ZNF124: variants seen among roughly 807,000 people sequenced by gnomAD.
ZNF124 encodes the protein zinc finger protein 124.
A neutral mutation model predicts 26.6 loss-of-function variants in ZNF124; 25 were observed. The ratio of observed to expected loss-of-function variants is 0.94; its 90% confidence interval spans 0.68 to 1.31. The LOEUF is 1.31. Among genes scored for constraint, ZNF124 ranks in the 40% most tolerant of loss-of-function variants. ZNF124 has a pLI of 0.00. For missense variants in ZNF124, 444 were observed against 422.2 expected, an observed-to-expected ratio of 1.05 and a Z score of -0.45; for synonymous variants, 129 against 133.3, an observed-to-expected ratio of 0.97 and a Z score of 0.22.
intron 3 of ZNF124, among the ~76,000 whole-genome samples, chr1:247,125,593 G>A (rs116837993): frequency 0.028 from 4,232 of 151,770 alleles, 216 homozygotes; most frequent in African/African-American, 0.097. Context: ...CATCACACCC[G>A]GCTAAATTTT....
chr1:247,137,864 A>G (rs965687699), intron 3 of ZNF124, among the ~76,000 whole-genome samples: 1 of 152,210 alleles, frequency 6.6e-6, no homozygotes, highest in Non-Finnish European at 1.5e-5. Flanking sequence ...CAAAAGCTCA[A>G]CATCACTGAT....
intron 1 of ZNF124, 120 bp from the exon 2 acceptor site, chr1:247,159,933 T>C: frequency 8.1e-7 from 1 of 1,233,136 alleles, no homozygotes; most frequent in Non-Finnish European, 1.1e-6. Context: ...ATTTGGTCAC[T>C]AGAACTATGA....
At chr1:247,128,693 T>G (rs1482935761) in intron 3 of ZNF124, among the ~76,000 whole-genome samples, 2 of 150,346 alleles carry the variant, frequency 1.3e-5, no homozygotes, top group African/African-American at 4.9e-5. Flanking sequence ...GATACTGGTA[T>G]TGAGGGAAGA....
At chr1:247,131,380 T>G (rs1420273227) in intron 3 of ZNF124, among the ~76,000 whole-genome samples, 1 of 152,160 alleles carries the variant, frequency 6.6e-6, no homozygotes, top group Non-Finnish European at 1.5e-5. Flanking sequence ...ACGCCCAGAT[T>G]CTTACAGCCT....
intron 3 of ZNF124, among the ~76,000 whole-genome samples, chr1:247,136,054 A>G (rs187138921): frequency 0.016 from 2,401 of 152,226 alleles, 71 homozygotes; most frequent in African/African-American, 0.055. Context: ...ATTTATGACA[A>G]CCCCACAGCC....
intron 1 of ZNF124, among the ~76,000 whole-genome samples, chr1:247,161,138 C>A (rs1673455472): frequency 6.6e-6 from 1 of 152,176 alleles, no homozygotes; most frequent in Admixed American, 6.5e-5. Flanking sequence ...TCAAAGTCTT[C>A]TGAATAACAG....
intron 3 of ZNF124, among the ~76,000 whole-genome samples, chr1:247,139,210 T>C (rs1672564040): frequency 6.6e-6 from 1 of 152,236 alleles, no homozygotes; most frequent in South Asian, 2.1e-4. Flanking sequence ...CTTAGCAAAA[T>C]AAACTTTCTA....
At position 247,157,203 on chromosome 1, in the gene ZNF124, T is replaced by C; in HGVS notation, c.419A>G (p.His140Arg). 1 of 1,614,142 alleles carries C rather than the reference T, an allele frequency of 6.2e-7. No individual in the cohort carries two copies. The highest frequency in any genetic ancestry group is 8.5e-7 in the Non-Finnish European group (1 of 1,179,932). Reference protein sequence around the residue: ...VFNIPSSFQIHQRNHTGEKPY... With the variant: ...VFNIPSSFQIRQRNHTGEKPY... ...TTTCTCTCCAGTGTGATTTCTCTGA[T>C]GTATCTGAAATGAACTGGGAATATT... Residue 140 changes from histidine (H) to arginine (R), a missense_variant, in exon 4 of 4, where the codon CAT becomes CGT. By Grantham distance (29) the His-to-Arg change is conservative. Transcript: ENST00000543802.
At chr1:247,163,134 G>A (rs891454258) in intron 1 of ZNF124, among the ~76,000 whole-genome samples, 4 of 152,082 alleles carry the variant, frequency 2.6e-5, no homozygotes, top group African/African-American at 9.7e-5. Flanking sequence ...AAGAATCTCT[G>A]GAACACAGCT....
intron 3 of ZNF124, among the ~76,000 whole-genome samples, chr1:247,135,408 C>A (rs1338183270): frequency 6.6e-6 from 1 of 152,110 alleles, no homozygotes; most frequent in African/African-American, 2.4e-5. Context: ...ACTATAAACA[C>A]TCAATGCAAA....
At chr1:247,136,104 T>A (rs1464624525) in intron 3 of ZNF124, among the ~76,000 whole-genome samples, 2 of 152,180 alleles carry the variant, frequency 1.3e-5, no homozygotes, top group East Asian at 3.8e-4. Context: ...AGTATTCCCT[T>A]TGGAAACTGG....
Position 247,155,092 on chromosome 1 carries a change from G to A in ZNF124, c.*1474C>T, listed in dbSNP as rs1317830323. 2.6e-5 allele frequency among the ~76,000 whole-genome samples: 4 copies of A among 152,156 alleles called. No homozygotes were observed. Among genetic ancestry groups the A allele is most frequent in the African/African-American group, 4.8e-5 (2 of 41,436 alleles). On this transcript the variant is annotated 3_prime_UTR_variant, in exon 4 of 4. Coordinates refer to ENST00000543802, the MANE Select transcript of ZNF124 (RefSeq NM_001297568.2). ...TCAGATTAGACACAAGACACTGTTC[G>A]ATCACAGGTCTCTCTCCTTAAACCA...
At chr1:247,135,479 G>A (rs1347456062) in intron 3 of ZNF124, among the ~76,000 whole-genome samples, 1 of 152,070 alleles carries the variant, frequency 6.6e-6, no homozygotes, top group Non-Finnish European at 1.5e-5. Flanking sequence ...ACTAACCCAG[G>A]AAGACGTCAC....
chr1:247,139,562 CTTGT>C (rs1396603822), intron 3 of ZNF124, among the ~76,000 whole-genome samples: 3 of 152,146 alleles, frequency 2.0e-5, no homozygotes, highest in African/African-American at 7.2e-5. Flanking sequence ...ATTATGCTGA[CTTGT>C]TTGTGTGGTT....
At chr1:247,134,170 A>G (rs1450687586) in intron 3 of ZNF124, among the ~76,000 whole-genome samples, 1 of 152,188 alleles carries the variant, frequency 6.6e-6, no homozygotes, top group Non-Finnish European at 1.5e-5. Context: ...ATAAAGACCA[A>G]TGACACTATG....
downstream of ZNF124, among the ~76,000 whole-genome samples, chr1:247,154,539 T>C (rs185359250): frequency 1.3e-5 from 2 of 152,302 alleles, no homozygotes; most frequent in East Asian, 3.9e-4. Context: ...CACTATATAG[T>C]ATATAGCACT....
downstream of ZNF124, among the ~76,000 whole-genome samples, chr1:247,151,717 TAGC>T (rs576430758): frequency 2.3e-3 from 349 of 152,248 alleles, 2 homozygotes; most frequent in African/African-American, 8.0e-3. Context: ...GGAATTTACA[TAGC>T]AGCCCTGTTC....
At chr1:247,158,644 C>A (rs555862176) in intron 3 of ZNF124, among the ~76,000 whole-genome samples, 150 of 149,022 alleles carry the variant, frequency 1.0e-3, no homozygotes, top group African/African-American at 3.6e-3. Context: ...TTTTTTTTTC[C>A]CCGAGATGGT....
At chr1:247,130,484 A>G (rs562730398) in intron 3 of ZNF124, among the ~76,000 whole-genome samples, 2 of 152,332 alleles carry the variant, frequency 1.3e-5, no homozygotes, top group African/African-American at 4.8e-5. Context: ...CCGAGCGGAG[A>G]TTCTGTGACA....
Sources: allele counts gnomAD v4.1 joint callset (sites outside exome capture counted in the v4.1 genomes callset), GRCh38; gene constraint gnomAD v4.1.1; transcripts MANE v1.5; gene names NCBI Gene and HGNC (gene_info 2026-07-23, HGNC 2026-07-21).